NELL1: variants seen among roughly 807,000 people sequenced by gnomAD.
NELL1 encodes the protein protein kinase C-binding protein NELL1.
NELL1 carries 76 observed loss-of-function variants against 107.4 expected under a neutral mutation model. The observed-to-expected ratio is 0.71, with a 90% CI of 0.59 to 0.86. NELL1 has a LOEUF of 0.86. NELL1 is among the 40% of genes least tolerant of loss of function. The probability of loss-of-function intolerance (pLI) is 0.00; values close to 1 mark genes in which losing one functional copy is unlikely to be tolerated. For synonymous variants in NELL1, 353 were observed against 341.2 expected (o/e 1.03, Z -0.38); for missense variants, 1,024 against 1,005.5 (o/e 1.02, Z -0.25).
intron 12 of NELL1, among the ~76,000 whole-genome samples, chr11:21,081,016 C>T (rs571420855): frequency 6.6e-6 from 1 of 152,136 alleles, no homozygotes; most frequent in South Asian, 2.1e-4. Flanking sequence ...CTCCTCCCAT[C>T]CATATGACCT....
At chr11:20,747,697 G>A (rs1399701613) in intron 2 of NELL1, among the ~76,000 whole-genome samples, 3 of 152,162 alleles carry the variant, frequency 2.0e-5, no homozygotes, top group African/African-American at 7.2e-5. Flanking sequence ...GGTGACAAAT[G>A]TTCACATCAT....
chr11:21,234,459 A>G (rs1296085593), intron 14 of NELL1, among the ~76,000 whole-genome samples: 1 of 152,172 alleles, frequency 6.6e-6, no homozygotes, highest in African/African-American at 2.4e-5. Context: ...CCAGTGCACC[A>G]TGATTGGGCG....
chr11:21,384,578 C>G, intron 15 of NELL1, among the ~76,000 whole-genome samples: 1 of 151,900 alleles, frequency 6.6e-6, no homozygotes, highest in East Asian at 1.9e-4. Context: ...GTATATCTCC[C>G]AGTGCTATCC....
chr11:20,898,543 A>G (rs1849801869), intron 5 of NELL1, among the ~76,000 whole-genome samples: 1 of 152,092 alleles, frequency 6.6e-6, no homozygotes, highest in African/African-American at 2.4e-5. Flanking sequence ...CACATTGTGC[A>G]CATGTACCCT....
intron 2 of NELL1, among the ~76,000 whole-genome samples, chr11:20,756,139 CA>C (rs1386445512): frequency 1.3e-5 from 2 of 151,776 alleles, no homozygotes; most frequent in African/African-American, 4.8e-5. Context: ...CTCGGCCCCC[CA>C]AAGTGCTGGG....
At chr11:21,158,085 C>G (rs1469907217) in intron 13 of NELL1, among the ~76,000 whole-genome samples, 1 of 152,110 alleles carries the variant, frequency 6.6e-6, no homozygotes, top group Non-Finnish European at 1.5e-5. Context: ...ACTAGACTCG[C>G]TAAGTCTTCT....
At chr11:20,815,642 A>G (rs7935808) in intron 3 of NELL1, among the ~76,000 whole-genome samples, 7,447 of 152,136 alleles carry the variant, frequency 0.049, 602 homozygotes, top group African/African-American at 0.17. Flanking sequence ...TGCTGTGCAG[A>G]TGCTCTTTAG....
chr11:20,957,316 T>G (rs1242369862), intron 11 of NELL1, among the ~76,000 whole-genome samples: 2 of 152,196 alleles, frequency 1.3e-5, no homozygotes, highest in Non-Finnish European at 2.9e-5. Context: ...GGGCTAGACT[T>G]TATTCCACCT....
At chr11:20,904,518 G>A (rs1486384743) in intron 5 of NELL1, among the ~76,000 whole-genome samples, 2 of 152,118 alleles carry the variant, frequency 1.3e-5, no homozygotes, top group African/African-American at 4.8e-5. Flanking sequence ...GTAAAGCAAA[G>A]AGAAAATGCT....
At chr11:21,540,976 TCTTCATAGCCGTTTATTTGC>T (rs1481608104) in intron 16 of NELL1, among the ~76,000 whole-genome samples, 3 of 152,158 alleles carry the variant, frequency 2.0e-5, no homozygotes, top group Non-Finnish European at 4.4e-5. Flanking sequence ...CTCTTATTTG[TCTTCATAGCCGTTTATTTGC>T]CATTCTTTTA....
intron 15 of NELL1, among the ~76,000 whole-genome samples, chr11:21,376,320 CT>C (rs1851477840): frequency 6.6e-6 from 1 of 152,062 alleles, no homozygotes; most frequent in Non-Finnish European, 1.5e-5. Flanking sequence ...TTTCCCACTG[CT>C]TATTTTTGTC....
At chr11:20,720,129 G>C (rs1023677682) in intron 2 of NELL1, among the ~76,000 whole-genome samples, 4 of 151,236 alleles carry the variant, frequency 2.6e-5, no homozygotes, top group Admixed American at 2.6e-4. Context: ...TGTTGCTTTT[G>C]ATACTACAAG....
chr11:21,453,925 T>C (rs184600561), intron 15 of NELL1, among the ~76,000 whole-genome samples: 2 of 127,590 alleles, frequency 1.6e-5, no homozygotes. Flanking sequence ...TTCTTTTTTT[T>C]TTATTATTAT....
rs1855721072 is a variant in NELL1, at chr11:21,521,409, A to AT, written c.1646-12959dup. Among the ~76,000 whole-genome samples, 4 of 152,052 alleles carry AT rather than the reference A, an allele frequency of 2.6e-5. No individual in the cohort carries two copies. The South Asian group carries it at 8.3e-4, about 32-fold the overall frequency. On this transcript the variant is annotated intron_variant, in intron 15 of 19. Coordinates refer to ENST00000357134, the MANE Select transcript of NELL1 (RefSeq NM_006157.5). ...TGGGGGGATTGTTTTATGAACAAGG[A>AT]TTTTTTCCATCTTGGTCAACATTCC...
chr11:21,085,577 A>T (rs548523553), intron 12 of NELL1, among the ~76,000 whole-genome samples: 8 of 152,312 alleles, frequency 5.3e-5, no homozygotes, highest in African/African-American at 1.7e-4. Flanking sequence ...TCAACGTTAC[A>T]GTGAACCATG....
chr11:21,006,084 A>G (rs966283967), intron 12 of NELL1, among the ~76,000 whole-genome samples: 5 of 152,034 alleles, frequency 3.3e-5, no homozygotes, highest in African/African-American at 1.2e-4. Flanking sequence ...TATACTTAGC[A>G]TCTAGTGAAG....
rs189357951 is a variant in NELL1, at chr11:21,294,079, A to T, written c.1549+64625A>T. 5.9e-5 allele frequency among the ~76,000 whole-genome samples: 9 copies of T among 152,282 alleles called. No homozygotes were observed. In the East Asian group the frequency reaches 9.6e-4, roughly 16 times the overall value. On this transcript the variant is annotated intron_variant, in intron 14 of 19. Coordinates refer to ENST00000357134, the MANE Select transcript of NELL1 (RefSeq NM_006157.5). ...TATCCTAGCACTTAAAGTATAATTTAAAAAAGTAATAAAATGAAGTATATA... is the reference window on the plus strand; with the variant it reads ...TATCCTAGCACTTAAAGTATAATTTTAAAAAGTAATAAAATGAAGTATATA...
intron 5 of NELL1, among the ~76,000 whole-genome samples, chr11:20,904,526 G>A (rs61880437): frequency 6.6e-6 from 1 of 152,110 alleles, no homozygotes; most frequent in Non-Finnish European, 1.5e-5. Context: ...AAGAGAAAAT[G>A]CTGGAAAAAG....
intron 12 of NELL1, among the ~76,000 whole-genome samples, chr11:21,070,096 A>G (rs1853974294): frequency 6.6e-6 from 1 of 151,848 alleles, no homozygotes. Context: ...TCACACCTCG[A>G]CTAACCTACT....
Sources: gnomAD v4.1 joint callset for allele counts (sites outside exome capture counted in the v4.1 genomes callset) on GRCh38, gnomAD v4.1.1 for gene constraint, MANE v1.5 for transcripts, NCBI Gene and HGNC (gene_info 2026-07-23, HGNC 2026-07-21) for gene names.